The following RABGAP1L variants were observed in gnomAD, a reference collection of about 807,000 sequenced individuals.
The protein encoded by RABGAP1L is RAB GTPase activating protein 1 like, also known as rab GTPase-activating protein 1-like.
A neutral mutation model predicts 137.7 loss-of-function variants in RABGAP1L; 63 were observed. That is an observed-to-expected ratio of 0.46 (90% CI 0.37 to 0.56). The LOEUF (loss-of-function observed/expected upper bound fraction) is 0.56, where lower values mean the gene tolerates loss of function less well. Among genes scored for constraint, RABGAP1L ranks in the 20% least tolerant of loss-of-function variants. The pLI is 0.00. For synonymous variants in RABGAP1L, 431 were observed against 433.7 expected (o/e 0.99, Z 0.08); for missense variants, 1,095 against 1,244.0 (o/e 0.88, Z 1.80).
chr1:174,205,927 A>G (rs764872735), intron 1 of RABGAP1L, among the ~76,000 whole-genome samples: 2 of 152,226 alleles, frequency 1.3e-5, no homozygotes, highest in Non-Finnish European at 2.9e-5. Flanking sequence ...TGGAAGATTT[A>G]TTAAGACTGA....
intron 11 of RABGAP1L, among the ~76,000 whole-genome samples, chr1:174,319,316 A>T (rs988082331): frequency 3.9e-5 from 6 of 152,060 alleles, no homozygotes; most frequent in African/African-American, 1.4e-4. Context: ...CTGAGTTTTA[A>T]ATTTAAAATT....
chr1:174,985,525 T>C (rs1671518690), intron 24 of RABGAP1L, among the ~76,000 whole-genome samples: 1 of 152,254 alleles, frequency 6.6e-6, no homozygotes, highest in Non-Finnish European at 1.5e-5. Flanking sequence ...CTAAAGTCAA[T>C]AACATTAGCT....
chr1:174,322,320 G>C (rs990163769), intron 11 of RABGAP1L, among the ~76,000 whole-genome samples: 2 of 152,062 alleles, frequency 1.3e-5, no homozygotes, highest in East Asian at 3.9e-4. Context: ...TATGGTTTCT[G>C]CAGGTTAGGA....
chr1:174,758,296 C>T (rs1483336000), intron 18 of RABGAP1L, among the ~76,000 whole-genome samples: 6 of 151,918 alleles, frequency 3.9e-5, no homozygotes, highest in East Asian at 1.9e-4. Context: ...ACTCCTTTTT[C>T]CCCCTAGCCA....
intron 19 of RABGAP1L, among the ~76,000 whole-genome samples, chr1:174,838,371 A>G (rs377345431): frequency 1.3e-5 from 2 of 152,058 alleles, no homozygotes; most frequent in African/African-American, 4.8e-5. Flanking sequence ...AAGGATACCA[A>G]CTCTAGCTAG....
chr1:174,862,687 C>G (rs1650451264), intron 19 of RABGAP1L, among the ~76,000 whole-genome samples: 1 of 151,986 alleles, frequency 6.6e-6, no homozygotes, highest in African/African-American at 2.4e-5. Context: ...TTTATCTTTT[C>G]CTGAAAACCT....
intron 1 of RABGAP1L, among the ~76,000 whole-genome samples, chr1:174,218,217 C>T (rs1160117642): frequency 6.6e-6 from 1 of 152,160 alleles, no homozygotes; most frequent in African/African-American, 2.4e-5. Flanking sequence ...TACTGTTTGT[C>T]ACATTAACGT....
At chr1:174,891,598 C>G (rs1194821017) in intron 19 of RABGAP1L, among the ~76,000 whole-genome samples, 2 of 152,046 alleles carry the variant, frequency 1.3e-5, no homozygotes, top group Non-Finnish European at 2.9e-5. Context: ...CTTGAAATTC[C>G]AGGTTTGATC....
In RABGAP1L at chr1:174,761,898, T is replaced by C. The variant is rs538968953; in HGVS notation, c.2211+9544T>C. ...AATAAACATAATAAATATATAAATA[T>C]AGTATATTAGAAGTTATAGTATTAT... On this transcript the variant is annotated intron_variant, in intron 18 of 25. Coordinates refer to ENST00000681986, the MANE Select transcript of RABGAP1L (RefSeq NM_001366446.1). The surrounding 1 kb of genome is among the most constrained non-coding windows in gnomAD (Gnocchi z 4.0). Among the ~76,000 whole-genome samples, 16 of 151,996 alleles carry C rather than the reference T, an allele frequency of 1.1e-4. No homozygotes were observed. Among genetic ancestry groups the C allele is most frequent in the African/African-American group, 3.9e-4 (16 of 41,474 alleles).
intron 13 of RABGAP1L, among the ~76,000 whole-genome samples, chr1:174,552,310 C>T (rs1666599165): frequency 6.6e-6 from 1 of 152,044 alleles, no homozygotes; most frequent in Non-Finnish European, 1.5e-5. Context: ...TTGATTATCT[C>T]CCTCCTTCCA....
intron 11 of RABGAP1L, among the ~76,000 whole-genome samples, chr1:174,326,376 A>G (rs144458669): frequency 3.9e-4 from 60 of 152,334 alleles, no homozygotes; most frequent in Middle Eastern, 3.4e-3. Flanking sequence ...TAAAAAATCA[A>G]ATAGAAATCC....
At chr1:174,349,916 C>T (rs1571344322) in intron 11 of RABGAP1L, among the ~76,000 whole-genome samples, 2 of 143,512 alleles carry the variant, frequency 1.4e-5, no homozygotes, top group African/African-American at 2.5e-5. Flanking sequence ...GGGCTGACCC[C>T]CCCCCACCTC....
intron 7 of RABGAP1L, among the ~76,000 whole-genome samples, chr1:174,261,565 A>G (rs1265485982): frequency 6.6e-6 from 1 of 152,162 alleles, no homozygotes; most frequent in Non-Finnish European, 1.5e-5. Flanking sequence ...TACTGAAAAA[A>G]TCACCCAGGG....
chr1:174,419,634 A>G (rs1016899236), intron 13 of RABGAP1L, among the ~76,000 whole-genome samples: 2 of 152,214 alleles, frequency 1.3e-5, no homozygotes, highest in Admixed American at 6.5e-5. Flanking sequence ...AAAACTTAAA[A>G]TAGTTACAGT....
At chr1:174,161,513 T>C (rs1325191827) in intron 1 of RABGAP1L, among the ~76,000 whole-genome samples, 2 of 152,140 alleles carry the variant, frequency 1.3e-5, no homozygotes, top group Non-Finnish European at 2.9e-5. Flanking sequence ...GTGCTGGGAT[T>C]ACAGGCGTTA....
At chr1:174,377,268 T>G (rs1458669889) in intron 12 of RABGAP1L, among the ~76,000 whole-genome samples, 2 of 152,180 alleles carry the variant, frequency 1.3e-5, no homozygotes, top group African/African-American at 2.4e-5. Flanking sequence ...TTATTAAGAT[T>G]TCAGTCATTC....
At chr1:174,838,475 G>A (rs889834809) in intron 19 of RABGAP1L, among the ~76,000 whole-genome samples, 5 of 152,188 alleles carry the variant, frequency 3.3e-5, no homozygotes, top group Admixed American at 6.5e-5. Context: ...TAGCTTGAAG[G>A]CTGACAGATT....
intron 11 of RABGAP1L, among the ~76,000 whole-genome samples, chr1:174,325,721 C>A (rs1293425462): frequency 1.3e-5 from 2 of 152,190 alleles, no homozygotes; most frequent in African/African-American, 4.8e-5. Context: ...CAACACAAGT[C>A]CTGATGGGGC....
chr1:174,515,658 A>G (rs1662760326), intron 13 of RABGAP1L, among the ~76,000 whole-genome samples: 2 of 152,154 alleles, frequency 1.3e-5, no homozygotes, highest in Admixed American at 6.5e-5. Context: ...TTGAATTACA[A>G]GTTCCTTAAG....
Sources: gnomAD v4.1 joint callset for allele counts (sites outside exome capture counted in the v4.1 genomes callset) on GRCh38, gnomAD v4.1.1 for gene constraint, Gnocchi (gnomAD v3.1) non-coding constraint, MANE v1.5 for transcripts, NCBI Gene and HGNC (gene_info 2026-07-23, HGNC 2026-07-21) for gene names.